UNC13C: variants seen among roughly 807,000 people sequenced by gnomAD.
The protein encoded by UNC13C is unc-13 homolog C.
UNC13C carries 174 observed loss-of-function variants against 245.4 expected under a neutral mutation model. The ratio of observed to expected loss-of-function variants is 0.71; its 90% CI spans 0.63 to 0.80. UNC13C has a LOEUF of 0.80. UNC13C is among the 30% of genes least tolerant of loss of function. The pLI is 0.00. For missense variants in UNC13C, 2,829 were observed against 2,602.9 expected, an observed-to-expected ratio of 1.09 and a Z score of -1.89; for synonymous variants, 992 against 895.1, an observed-to-expected ratio of 1.11 and a Z score of -1.93.
At chr15:54,325,126 A>G (rs1439264956) in intron 14 of UNC13C, among the ~76,000 whole-genome samples, 1 of 152,066 alleles carries the variant, frequency 6.6e-6, no homozygotes, top group Non-Finnish European at 1.5e-5. Context: ...TATTCCATAA[A>G]TATGATACAG....
At chr15:54,110,487 G>A (rs937149437) in intron 2 of UNC13C, among the ~76,000 whole-genome samples, 16 of 152,090 alleles carry the variant, frequency 1.1e-4, no homozygotes, top group East Asian at 3.9e-4. Context: ...AAATGAGATC[G>A]CTTTCTATGT....
chr15:53,979,303 T>C (rs1309504510), intron 1 of UNC13C, among the ~76,000 whole-genome samples: 1 of 152,204 alleles, frequency 6.6e-6, no homozygotes, highest in African/African-American at 2.4e-5. Context: ...GTTGAGGGCT[T>C]CTAGGAAAGG....
chr15:53,880,019 A>G, the UNC13C span, among the ~76,000 whole-genome samples: 3 of 151,868 alleles, frequency 2.0e-5, no homozygotes, highest in Non-Finnish European at 4.4e-5. Flanking sequence ...AGGGAACACT[A>G]TTTATCAAGG....
At chr15:54,060,173 A>T (rs1201738996) in intron 2 of UNC13C, among the ~76,000 whole-genome samples, 1 of 152,276 alleles carries the variant, frequency 6.6e-6, no homozygotes, top group Non-Finnish European at 1.5e-5. Context: ...CATCAGAGTG[A>T]ACAGGCAACC....
the UNC13C span, among the ~76,000 whole-genome samples, chr15:53,904,181 C>A: frequency 6.6e-6 from 1 of 152,256 alleles, no homozygotes; most frequent in South Asian, 2.1e-4. Flanking sequence ...AACCTTCCTG[C>A]TGAGATGGTA....
At chr15:54,017,239 G>A (rs1182274174) in intron 2 of UNC13C, among the ~76,000 whole-genome samples, 1 of 152,082 alleles carries the variant, frequency 6.6e-6, no homozygotes, top group African/African-American at 2.4e-5. Context: ...TTGCAGGGAT[G>A]GGTAGTTCTC....
the UNC13C span, among the ~76,000 whole-genome samples, chr15:53,935,427 T>C: frequency 6.6e-6 from 1 of 152,326 alleles, no homozygotes; most frequent in African/African-American, 2.4e-5. Flanking sequence ...TTTGTAATAC[T>C]GAATCACAAA....
At chr15:54,593,661 G>A (rs1355020236) in intron 30 of UNC13C, among the ~76,000 whole-genome samples, 2 of 152,098 alleles carry the variant, frequency 1.3e-5, no homozygotes, top group Admixed American at 6.6e-5. Context: ...CTAAAAGTGT[G>A]TCTAAAGTTT....
At chr15:54,204,241 A>T (rs1163668875) in intron 4 of UNC13C, among the ~76,000 whole-genome samples, 1 of 149,594 alleles carries the variant, frequency 6.7e-6, no homozygotes, top group African/African-American at 2.4e-5. Context: ...TCACGAAAGA[A>T]CTTATTCATG....
intron 17 of UNC13C, among the ~76,000 whole-genome samples, chr15:54,373,629 A>C (rs2140886973): frequency 6.6e-6 from 1 of 152,194 alleles, no homozygotes; most frequent in African/African-American, 2.4e-5. Flanking sequence ...AACACCAGGA[A>C]CCATAGAGTC....
intron 19 of UNC13C, among the ~76,000 whole-genome samples, chr15:54,464,633 T>C (rs1428365572): frequency 2.0e-5 from 3 of 152,098 alleles, no homozygotes; most frequent in Non-Finnish European, 2.9e-5. Flanking sequence ...AACTTTTAAA[T>C]CAAATTTTTA....
Position 54,596,668 on chromosome 15 carries a change from A to C in UNC13C, c.6107-25659A>C, listed in dbSNP as rs373420143. Among the ~76,000 whole-genome samples, 7 of 152,262 alleles carry C rather than the reference A, an allele frequency of 4.6e-5. No individual in the cohort carries two copies. In the East Asian group the frequency reaches 5.8e-4, roughly 13 times the overall value. Reference sequence around the variant, plus strand: ...TCCCCCAGTGTTGGAGGTGGGATCTAGTGGGAGGTGTTTGGGTTATGGGGG... The same window carrying C: ...TCCCCCAGTGTTGGAGGTGGGATCTCGTGGGAGGTGTTTGGGTTATGGGGG... On this transcript the variant is annotated intron_variant, in intron 30 of 32. Coordinates refer to ENST00000260323, the MANE Select transcript of UNC13C (RefSeq NM_001080534.3).
At chr15:54,364,629 G>T (rs1209367597) in intron 17 of UNC13C, among the ~76,000 whole-genome samples, 52 of 152,086 alleles carry the variant, frequency 3.4e-4, no homozygotes, top group Non-Finnish European at 2.9e-5. Context: ...TGACTTTTTT[G>T]TTGGAACAAA....
intron 2 of UNC13C, among the ~76,000 whole-genome samples, chr15:54,112,186 T>C (rs59369287): frequency 0.16 from 24,414 of 152,148 alleles, 2,554 homozygotes; most frequent in East Asian, 0.32. Context: ...TCTGGGATAA[T>C]ACCTGAGGTT....
At chr15:53,873,213 A>T in the UNC13C span, among the ~76,000 whole-genome samples, 4 of 151,962 alleles carry the variant, frequency 2.6e-5, no homozygotes, top group African/African-American at 7.2e-5. Context: ...ATCACATTCA[A>T]TGCCTTCTGA....
At chr15:54,348,523 C>T (rs755125318) in intron 17 of UNC13C, among the ~76,000 whole-genome samples, 10 of 152,040 alleles carry the variant, frequency 6.6e-5, no homozygotes, top group South Asian at 2.1e-4. Context: ...TTGTATTAGA[C>T]GGAATGTGAT....
At chr15:53,845,312 G>A in the UNC13C span, among the ~76,000 whole-genome samples, 2 of 99,034 alleles carry the variant, frequency 2.0e-5, no homozygotes, top group Non-Finnish European at 4.3e-5. Context: ...GTGACAGAGC[G>A]AGAGTCTCTC....
At chr15:54,539,287 G>A (rs918837325) in intron 26 of UNC13C, among the ~76,000 whole-genome samples, 1 of 151,684 alleles carries the variant, frequency 6.6e-6, no homozygotes, top group African/African-American at 2.4e-5. Flanking sequence ...TTCTCTGTGG[G>A]GAAATATCTA....
chr15:54,591,920 C>G (rs1898813008), intron 30 of UNC13C, among the ~76,000 whole-genome samples: 1 of 151,952 alleles, frequency 6.6e-6, no homozygotes, highest in Non-Finnish European at 1.5e-5. Context: ...GTTTTTGTTA[C>G]AGGTGTTTAG....
Sources: allele counts gnomAD v4.1 joint callset (sites outside exome capture counted in the v4.1 genomes callset), GRCh38; gene constraint gnomAD v4.1.1; transcripts MANE v1.5; gene names NCBI Gene and HGNC (gene_info 2026-07-23, HGNC 2026-07-21).